PIH1D2: variants seen among roughly 807,000 people sequenced by gnomAD.
PIH1D2 encodes PIH1 domain-containing protein 2.
In PIH1D2, 25 loss-of-function variants were observed where a neutral mutation model predicts 31.2. The ratio of observed to expected loss-of-function variants is 0.80; its 90% confidence interval spans 0.58 to 1.12. The LOEUF (loss-of-function observed/expected upper bound fraction) is 1.12. Ranked by LOEUF, PIH1D2 falls within the 50% of genes most tolerant of loss-of-function variation. The pLI is 0.00. For synonymous variants in PIH1D2, 116 were observed against 119.9 expected (o/e 0.97, Z 0.21); for missense variants, 310 against 356.6 (o/e 0.87, Z 1.05).
At position 112,071,233 on chromosome 11, in the gene PIH1D2, C is replaced by T. The variant is rs959191888; in HGVS notation, c.352G>A (p.Ala118Thr). ...VAYNPDVLHA[A>T]EKDQVKKNQL... ...TTTTTTTTCACTTGGTCCTTTTCTG[C>T]TGCATGAAGAACATCAGGATTGTAG... The change falls in exon 4 of 6, where the codon GCA (alanine) becomes ACA (threonine). Residue 118 changes from alanine to threonine, a missense_variant. Ala to Thr is a moderately conservative substitution (Grantham distance 58, BLOSUM62 0). Coordinates refer to ENST00000280350, the MANE Select transcript of PIH1D2 (RefSeq NM_138789.4). 4 of 1,613,610 alleles carry T rather than the reference C, an allele frequency of 2.5e-6. No individual in the cohort carries two copies. The highest frequency in any genetic ancestry group is 2.5e-6 in the Non-Finnish European group (3 of 1,179,700).
chr11:112,070,770 T>C, intron 4 of PIH1D2, 69 bp from the exon 5 acceptor site: 2 of 1,497,620 alleles, frequency 1.3e-6, no homozygotes, highest in Admixed American at 2.0e-5. Context: ...TGAGCTATAA[T>C]ATATGTGGTG....
At chr11:112,065,306 ATAAC>A (rs781966345), downstream of PIH1D2, among the ~76,000 whole-genome samples, 2 of 152,334 alleles carry the variant, frequency 1.3e-5, no homozygotes, top group Admixed American at 6.5e-5. Flanking sequence ...ATTTTGGAAA[ATAAC>A]TAGAATGTAA....
the PIH1D2 span, among the ~76,000 whole-genome samples, chr11:112,053,081 A>G: frequency 2.6e-5 from 4 of 152,092 alleles, no homozygotes; most frequent in Non-Finnish European, 5.9e-5. Context: ...CAGCACTTTG[A>G]GAGGCCGAGG....
chr11:112,065,687 T>A (rs1288646110), downstream of PIH1D2, among the ~76,000 whole-genome samples: 2 of 152,190 alleles, frequency 1.3e-5, no homozygotes, highest in Non-Finnish European at 2.9e-5. Context: ...AAGAAAATTA[T>A]ATTTGCTTTT....
intron 5 of PIH1D2, chr11:112,069,974 A>C (rs1472474202): frequency 5.4e-6 from 1 of 183,622 alleles, no homozygotes; most frequent in African/African-American, 2.4e-5. Context: ...GGAGTCTGAT[A>C]CTGGGATTGG....
rs587708963 is a variant in PIH1D2 at position 112,070,904 on chromosome 11, A to C, written c.547+134T>G. The C allele has an allele frequency of 5.3e-5, 64 of 1,213,166 alleles. No homozygotes were observed. The African/African-American group carries it at 9.2e-4, about 17-fold the overall frequency. 75.2% of individuals were successfully genotyped at this position (1,213,166 alleles called of 1,614,324 possible). A position where few individuals can be genotyped will look rare whatever the true frequency, so the allele number is the denominator to read the frequency against. The stretch of plus-strand genomic sequence containing the variant: ...TAAAAATCAAGGATATGATATTTCT[A>C]ATATTTAATATTTGCATTTTTCTAT... On this transcript the variant is annotated intron_variant, in intron 4 of 5. Coordinates refer to ENST00000280350, the MANE Select transcript of PIH1D2 (RefSeq NM_138789.4).
At chr11:112,053,817 C>T in the PIH1D2 span, among the ~76,000 whole-genome samples, 1 of 152,128 alleles carries the variant, frequency 6.6e-6, no homozygotes, top group East Asian at 1.9e-4. Flanking sequence ...TTCCAAATAA[C>T]ATTTTTCTGT....
At chr11:112,054,125 A>G in the PIH1D2 span, among the ~76,000 whole-genome samples, 1 of 151,762 alleles carries the variant, frequency 6.6e-6, no homozygotes, top group Non-Finnish European at 1.5e-5. Context: ...CCTGGCCAAC[A>G]TGGTGAAACC....
the PIH1D2 span, among the ~76,000 whole-genome samples, chr11:112,056,670 T>G: frequency 1.3e-5 from 2 of 152,224 alleles, no homozygotes; most frequent in Non-Finnish European, 2.9e-5. Flanking sequence ...TATATTTTTA[T>G]TTCTCTTCAG....
chr11:112,063,988 A>G (rs148798969), downstream of PIH1D2: 2,908 of 511,672 alleles, frequency 5.7e-3, 9 homozygotes, highest in South Asian at 0.014. Flanking sequence ...TCATTATTAC[A>G]TGGTACACAA....
the PIH1D2 span, among the ~76,000 whole-genome samples, chr11:112,052,563 C>T: frequency 1.3e-5 from 2 of 152,080 alleles, no homozygotes; most frequent in Non-Finnish European, 2.9e-5. Context: ...ATGGCTAGGG[C>T]GAGGTTTGAG....
At chr11:112,073,783 C>T (rs1179038363) in intron 1 of PIH1D2, 197 bp downstream of exon 1, 2 of 152,326 alleles carry the variant, frequency 1.3e-5, no homozygotes, top group South Asian at 2.1e-4. Context: ...AGATAAATCT[C>T]CTTAGCCTCT....
At chr11:112,072,407 G>C (rs1555184819) in intron 2 of PIH1D2, among the ~76,000 whole-genome samples, 1 of 151,788 alleles carries the variant, frequency 6.6e-6, no homozygotes, top group African/African-American at 2.4e-5. Flanking sequence ...AATTAGCCGG[G>C]TGTGGTGATG....
chr11:112,067,713 T>TATATATA (rs1555184023), downstream of PIH1D2: 13 of 255,810 alleles, frequency 5.1e-5, no homozygotes, highest in African/African-American at 9.5e-5. Flanking sequence ...TATATATATA[T>TATATATA]TTGACATAAC....
At chr11:112,070,834 A>G in intron 4 of PIH1D2, 133 bp from the exon 5 acceptor site, 9 of 1,251,154 alleles carry the variant, frequency 7.2e-6, no homozygotes, top group Non-Finnish European at 9.7e-6. Flanking sequence ...AATCAAGCCA[A>G]AAGAATCTTA....
intron 1 of PIH1D2, among the ~76,000 whole-genome samples, chr11:112,073,614 A>G (rs1281114913): frequency 6.6e-6 from 1 of 152,192 alleles, no homozygotes; most frequent in Non-Finnish European, 1.5e-5. Flanking sequence ...CTTGTGAGCC[A>G]GAATGCCTAG....
At chr11:112,057,045 TTG>T in the PIH1D2 span, among the ~76,000 whole-genome samples, 1 of 152,222 alleles carries the variant, frequency 6.6e-6, no homozygotes, top group Admixed American at 6.5e-5. Flanking sequence ...AACTTTATTA[TTG>T]TATCTGTTAT....
At chr11:112,072,203 G>A (rs1401646704) in intron 2 of PIH1D2, among the ~76,000 whole-genome samples, 2 of 152,078 alleles carry the variant, frequency 1.3e-5, no homozygotes, top group Admixed American at 6.6e-5. Flanking sequence ...TTAAAACTGC[G>A]TTTGATTATA....
chr11:112,066,362 C>T (rs587677515), downstream of PIH1D2, among the ~76,000 whole-genome samples: 17 of 152,022 alleles, frequency 1.1e-4, no homozygotes, highest in African/African-American at 3.1e-4. Context: ...TTTTGCAGGC[C>T]GGGCGTGGTG....
Sources: gnomAD v4.1 joint callset for allele counts (sites outside exome capture counted in the v4.1 genomes callset) on GRCh38, gnomAD v4.1.1 for gene constraint, MANE v1.5 for transcripts, NCBI Gene and HGNC (gene_info 2026-07-23, HGNC 2026-07-21) for gene names.